WWOX: variants seen among roughly 807,000 people sequenced by gnomAD.
WWOX encodes WW domain containing oxidoreductase.
A neutral mutation model predicts 46.2 loss-of-function variants in WWOX; 69 were observed. That is an observed-to-expected ratio of 1.49 (90% CI 1.23 to 1.82). The LOEUF (loss-of-function observed/expected upper bound fraction) is 1.82. Ranked by LOEUF, WWOX falls within the 40% of genes most tolerant of loss-of-function variation. The probability of loss-of-function intolerance (pLI) is 0.00; values close to 1 mark genes in which losing one functional copy is unlikely to be tolerated. For missense variants in WWOX, 919 were observed against 542.6 expected (o/e 1.69, Z -6.89); for synonymous variants, 359 against 202.6 (o/e 1.77, Z -6.56).
intron 8 of WWOX, among the ~76,000 whole-genome samples, chr16:78,926,006 G>A (rs1007306605): frequency 6.6e-6 from 1 of 152,234 alleles, no homozygotes; most frequent in East Asian, 1.9e-4. Flanking sequence ...GGAGAGCTAA[G>A]TGTAAATTGT....
At chr16:78,222,997 C>T (rs2036940906) in intron 5 of WWOX, among the ~76,000 whole-genome samples, 1 of 152,280 alleles carries the variant, frequency 6.6e-6, no homozygotes, top group South Asian at 2.1e-4. Context: ...GGGACGCACT[C>T]CCTGTCATTC....
intron 8 of WWOX, among the ~76,000 whole-genome samples, chr16:79,009,134 T>G (rs1192918080): frequency 6.6e-6 from 1 of 152,202 alleles, no homozygotes; most frequent in East Asian, 1.9e-4. Context: ...GCTTAATGGA[T>G]GATCATCTTC....
chr16:78,240,438 A>G (rs1320209129), intron 5 of WWOX, among the ~76,000 whole-genome samples: 1 of 152,198 alleles, frequency 6.6e-6, no homozygotes, highest in Non-Finnish European at 1.5e-5. Context: ...TGCCACGGTC[A>G]TGGGCAGCCC....
chr16:78,956,036 T>G (rs920387511), intron 8 of WWOX, among the ~76,000 whole-genome samples: 2 of 151,934 alleles, frequency 1.3e-5, no homozygotes, highest in Admixed American at 1.3e-4. Flanking sequence ...ACTGTTTTAG[T>G]TGGGGAGCCA....
At chr16:78,351,901 C>T (rs900220921) in intron 5 of WWOX, among the ~76,000 whole-genome samples, 8 of 152,200 alleles carry the variant, frequency 5.3e-5, no homozygotes, top group Middle Eastern at 3.2e-3. Flanking sequence ...AGGTGATATG[C>T]GCCCCTCAGC....
At chr16:78,634,216 G>A (rs972772295) in intron 8 of WWOX, among the ~76,000 whole-genome samples, 3 of 152,206 alleles carry the variant, frequency 2.0e-5, no homozygotes, top group Non-Finnish European at 4.4e-5. Context: ...GAATAGGAAT[G>A]CCATAGTGGT....
chr16:78,959,623 G>T (rs1232025378), intron 8 of WWOX, among the ~76,000 whole-genome samples: 1 of 152,112 alleles, frequency 6.6e-6, no homozygotes, highest in Non-Finnish European at 1.5e-5. Context: ...TGATAGGAAG[G>T]CCAGTGTCTT....
chr16:78,819,075 A>G (rs2051422160), intron 8 of WWOX, among the ~76,000 whole-genome samples: 1 of 152,214 alleles, frequency 6.6e-6, no homozygotes, highest in Non-Finnish European at 1.5e-5. Flanking sequence ...GAGCAGGCCC[A>G]TAGTACTCAG....
chr16:78,619,047 G>A (rs1025421000), intron 8 of WWOX, among the ~76,000 whole-genome samples: 9 of 145,222 alleles, frequency 6.2e-5, no homozygotes, highest in African/African-American at 2.3e-4. Context: ...TGTAATTCCA[G>A]CACTTTGGGA....
intron 5 of WWOX, among the ~76,000 whole-genome samples, chr16:78,376,334 A>G (rs761068667): frequency 2.6e-5 from 4 of 152,206 alleles, no homozygotes; most frequent in Non-Finnish European, 5.9e-5. Flanking sequence ...TGGAACTACA[A>G]TACTATGTTT....
chr16:78,772,983 C>T (rs2050100605), intron 8 of WWOX, among the ~76,000 whole-genome samples: 1 of 152,182 alleles, frequency 6.6e-6, no homozygotes, highest in African/African-American at 2.4e-5. Context: ...TGTCATCATG[C>T]CGCTGTGCTC....
chr16:78,493,263 C>T (rs2738719), intron 8 of WWOX, among the ~76,000 whole-genome samples: 1 of 152,050 alleles, frequency 6.6e-6, no homozygotes, highest in African/African-American at 2.4e-5. Context: ...GACACATACA[C>T]AAATGTCCTA....
chr16:78,210,284 T>C (rs2036517704), intron 5 of WWOX, among the ~76,000 whole-genome samples: 2 of 152,206 alleles, frequency 1.3e-5, no homozygotes, highest in African/African-American at 2.4e-5. Flanking sequence ...AATTGAGCCA[T>C]GCTGTATTTA....
intron 8 of WWOX, among the ~76,000 whole-genome samples, chr16:78,709,090 G>A (rs2048384247): frequency 6.6e-6 from 1 of 151,994 alleles, no homozygotes; most frequent in South Asian, 2.1e-4. Context: ...AAGGTTTATC[G>A]CCCTGCGTGT....
chr16:78,829,928 C>T (rs777192150), intron 8 of WWOX, among the ~76,000 whole-genome samples: 15 of 152,120 alleles, frequency 9.9e-5, no homozygotes, highest in Non-Finnish European at 1.8e-4. Context: ...ATACATTCAG[C>T]AGAGGAAAAA....
At chr16:79,008,832 C>T (rs944364496) in intron 8 of WWOX, among the ~76,000 whole-genome samples, 2 of 152,162 alleles carry the variant, frequency 1.3e-5, no homozygotes, top group Non-Finnish European at 2.9e-5. Context: ...AGCCGGAGAC[C>T]AGGGGGCCCC....
At chr16:78,376,965 C>T (rs1005666603) in intron 5 of WWOX, among the ~76,000 whole-genome samples, 1 of 152,184 alleles carries the variant, frequency 6.6e-6, no homozygotes, top group Non-Finnish European at 1.5e-5. Context: ...TTGAATTTAA[C>T]CACTATTGAC....
chr16:78,180,056 T>A (rs1025999963), intron 5 of WWOX, among the ~76,000 whole-genome samples: 1 of 152,236 alleles, frequency 6.6e-6, no homozygotes, highest in Non-Finnish European at 1.5e-5. Flanking sequence ...CTGAGCTGTG[T>A]GAATTGGTTT....
chr16:78,712,194 C>G (rs376001663), intron 8 of WWOX, among the ~76,000 whole-genome samples: 5 of 151,976 alleles, frequency 3.3e-5, no homozygotes, highest in African/African-American at 1.2e-4. Context: ...CAGGGTGGTA[C>G]GGCTGTAGAC....
Sources: gnomAD v4.1 joint callset for allele counts (sites outside exome capture counted in the v4.1 genomes callset) on GRCh38, gnomAD v4.1.1 for gene constraint, MANE v1.5 for transcripts, NCBI Gene and HGNC (gene_info 2026-07-23, HGNC 2026-07-21) for gene names.